Variants in ARHGAP26 observed in about 807,000 individuals in gnomAD.
The protein encoded by ARHGAP26 is Rho GTPase activating protein 26, also known as rho GTPase-activating protein 26.
In ARHGAP26, 38 loss-of-function variants were observed where a neutral mutation model predicts 104.8. That is an observed-to-expected ratio of 0.36 (90% CI 0.28 to 0.48). ARHGAP26 has a LOEUF of 0.48. Ranked by LOEUF, ARHGAP26 falls within the 20% of genes least tolerant of loss-of-function variation. ARHGAP26 has a pLI of 0.99. For missense variants in ARHGAP26, 704 were observed against 947.9 expected, an observed-to-expected ratio of 0.74 and a Z score of 3.38; for synonymous variants, 341 against 340.0, an observed-to-expected ratio of 1.00 and a Z score of -0.03.
At chr5:142,801,820 T>G (rs749605733) in intron 1 of ARHGAP26, among the ~76,000 whole-genome samples, 1 of 152,188 alleles carries the variant, frequency 6.6e-6, no homozygotes, top group Non-Finnish European at 1.5e-5. Flanking sequence ...CCCACAGCCC[T>G]TAGGGAAACA....
At chr5:143,043,523 G>A (rs1018511959) in intron 14 of ARHGAP26, among the ~76,000 whole-genome samples, 2 of 152,170 alleles carry the variant, frequency 1.3e-5, no homozygotes. Flanking sequence ...TATAGTTTCT[G>A]TGTGAGCATA....
chr5:142,843,413 G>A (rs1327713632), intron 1 of ARHGAP26, among the ~76,000 whole-genome samples: 1 of 152,202 alleles, frequency 6.6e-6, no homozygotes, highest in East Asian at 1.9e-4. Context: ...TGATACCTTT[G>A]ATTGCTAAGG....
At chr5:143,030,411 G>C (rs989184817) in intron 12 of ARHGAP26, among the ~76,000 whole-genome samples, 2 of 152,192 alleles carry the variant, frequency 1.3e-5, no homozygotes, top group Non-Finnish European at 2.9e-5. Context: ...AGGTCTAAAA[G>C]TGTCCAGGAA....
At chr5:142,909,324 C>G (rs1761530768) in intron 9 of ARHGAP26, among the ~76,000 whole-genome samples, 2 of 152,196 alleles carry the variant, frequency 1.3e-5, no homozygotes, top group Admixed American at 1.3e-4. Flanking sequence ...CTTCGGTCCT[C>G]TCTGCAGTAC....
In ARHGAP26 at chr5:143,019,680, A is replaced by G. The variant is rs372967664; in HGVS notation, c.1144+5564A>G. ...ACACACCAGTCCAGTGCAAGGGAGT[A>G]AGAGAAGGGCAGGCTCTTACAGTGT... On this transcript the variant is annotated intron_variant, in intron 12 of 22. Coordinates refer to ENST00000645722, the MANE Select transcript of ARHGAP26 (RefSeq NM_001135608.3). 1.4e-4 allele frequency among the ~76,000 whole-genome samples: 22 copies of G among 152,332 alleles called. No individual in the cohort carries two copies. In the South Asian group the frequency reaches 4.6e-3, roughly 32 times the overall value.
chr5:143,107,268 G>T (rs192693202), intron 17 of ARHGAP26, among the ~76,000 whole-genome samples: 94 of 152,282 alleles, frequency 6.2e-4, no homozygotes, highest in Non-Finnish European at 1.2e-3. Context: ...GGGGTCAGTA[G>T]GCAGGGGCTG....
intron 17 of ARHGAP26, among the ~76,000 whole-genome samples, chr5:143,082,034 AT>A (rs1438125240): frequency 1.3e-4 from 20 of 150,794 alleles, no homozygotes; most frequent in Middle Eastern, 3.4e-3. Flanking sequence ...AAAAAAAAAA[AT>A]GGTAGCTTTT....
At chr5:143,078,805 C>G (rs1409954355) in intron 17 of ARHGAP26, among the ~76,000 whole-genome samples, 1 of 152,182 alleles carries the variant, frequency 6.6e-6, no homozygotes, top group African/African-American at 2.4e-5. Flanking sequence ...GTGGAAAAAT[C>G]AACTTTAGAG....
chr5:142,890,085 G>A (rs1465901669), intron 5 of ARHGAP26, among the ~76,000 whole-genome samples: 1 of 135,592 alleles, frequency 7.4e-6, no homozygotes, highest in African/African-American at 2.8e-5. Flanking sequence ...GCGGTGAGCC[G>A]AATTCGCGCC....
At chr5:142,809,504 CT>C (rs1465306943) in intron 1 of ARHGAP26, among the ~76,000 whole-genome samples, 4 of 152,168 alleles carry the variant, frequency 2.6e-5, no homozygotes, top group African/African-American at 9.7e-5. Flanking sequence ...GTCAAGATGG[CT>C]TTTGGTTTGC....
chr5:142,965,479 G>T (rs1262208642), intron 11 of ARHGAP26, among the ~76,000 whole-genome samples: 2 of 152,208 alleles, frequency 1.3e-5, no homozygotes, highest in Non-Finnish European at 2.9e-5. Context: ...CCCTCTGGTG[G>T]CCCTGTCCGG....
chr5:143,222,108 C>G (rs1346875072), intron 22 of ARHGAP26, among the ~76,000 whole-genome samples: 1 of 152,114 alleles, frequency 6.6e-6, no homozygotes, highest in Non-Finnish European at 1.5e-5. Flanking sequence ...TGTCTGTTTC[C>G]TTTTTCATTG....
At chr5:142,966,093 G>A (rs534462604) in intron 11 of ARHGAP26, among the ~76,000 whole-genome samples, 39 of 152,276 alleles carry the variant, frequency 2.6e-4, no homozygotes, top group South Asian at 2.3e-3. Flanking sequence ...GGTTGGGATG[G>A]CAGAGAAAAG....
At chr5:143,001,175 T>G (rs1777146838) in intron 11 of ARHGAP26, among the ~76,000 whole-genome samples, 1 of 151,930 alleles carries the variant, frequency 6.6e-6, no homozygotes, top group Non-Finnish European at 1.5e-5. Context: ...GCATGGGGTG[T>G]GTGAGGGGTG....
chr5:143,200,535 TG>T (rs894584710), intron 20 of ARHGAP26, among the ~76,000 whole-genome samples: 1 of 152,120 alleles, frequency 6.6e-6, no homozygotes, highest in African/African-American at 2.4e-5. Context: ...ATAATTGCAT[TG>T]GAAAATGCCT....
intron 4 of ARHGAP26, among the ~76,000 whole-genome samples, chr5:142,882,565 G>A (rs1757154184): frequency 6.6e-6 from 1 of 152,194 alleles, no homozygotes; most frequent in South Asian, 2.1e-4. Flanking sequence ...ATTTCCAATT[G>A]TAGTAGGTTC....
chr5:142,902,524 T>A (rs971177628), intron 7 of ARHGAP26, among the ~76,000 whole-genome samples: 1 of 152,252 alleles, frequency 6.6e-6, no homozygotes, highest in African/African-American at 2.4e-5. Flanking sequence ...GCTCCCAGTG[T>A]GGTCAGCATT....
chr5:143,016,812 G>A (rs1277820270), intron 12 of ARHGAP26, among the ~76,000 whole-genome samples: 1 of 152,040 alleles, frequency 6.6e-6, no homozygotes, highest in Non-Finnish European at 1.5e-5. Flanking sequence ...TGATGGTCTG[G>A]TTTAGTGCTT....
chr5:142,873,316 C>T lies in ARHGAP26; in HGVS notation c.155-84C>T, dbSNP rs1037374016. 11 of 963,814 alleles carry T rather than the reference C, an allele frequency of 1.1e-5. No individual in the cohort carries two copies. In the African/African-American group the frequency reaches 1.7e-4, roughly 15 times the overall value. The allele number at this position is 963,814 out of a possible 1,614,324, so 59.7% of individuals were successfully genotyped here. A position where few individuals can be genotyped will look rare whatever the true frequency, so the allele number is the denominator to read the frequency against. ...GAACAAATCCGCCTCCTAAGATATT[C>T]CTAGAAGGACCAATAAGGGCAGCAA... On this transcript the variant is annotated intron_variant, in intron 1 of 22. Transcript: ENST00000645722.
Sources: gnomAD v4.1 joint callset for allele counts (sites outside exome capture counted in the v4.1 genomes callset) on GRCh38, gnomAD v4.1.1 for gene constraint, MANE v1.5 for transcripts, NCBI Gene and HGNC (gene_info 2026-07-23, HGNC 2026-07-21) for gene names.